Variants in HCRTR2 observed in about 807,000 individuals in gnomAD.
HCRTR2 encodes orexin receptor type 2.
A neutral mutation model predicts 49.0 loss-of-function variants in HCRTR2; 22 were observed. The ratio of observed to expected loss-of-function variants is 0.45; its 90% confidence interval spans 0.32 to 0.64. The LOEUF is 0.64. HCRTR2 is among the 30% of genes least tolerant of loss of function. HCRTR2 has a pLI of 0.04. For synonymous variants in HCRTR2, 236 were observed against 205.3 expected (o/e 1.15, Z -1.28); for missense variants, 491 against 559.4 (o/e 0.88, Z 1.23).
At chr6:55,224,270 T>C (rs936567808) in intron 1 of HCRTR2, among the ~76,000 whole-genome samples, 3 of 152,306 alleles carry the variant, frequency 2.0e-5, no homozygotes, top group South Asian at 2.1e-4. Context: ...ATTGCAGCTT[T>C]ATTCACAATA....
downstream of HCRTR2, among the ~76,000 whole-genome samples, chr6:55,283,628 A>G (rs904311164): frequency 6.6e-6 from 1 of 152,162 alleles, no homozygotes; most frequent in African/African-American, 2.4e-5. Context: ...CCCCTGAAAA[A>G]TTCTTCTGAT....
At chr6:55,180,557 G>A (rs1432464527) in intron 1 of HCRTR2, among the ~76,000 whole-genome samples, 1 of 146,064 alleles carries the variant, frequency 6.8e-6, no homozygotes, top group Non-Finnish European at 1.5e-5. Context: ...TGCCAAAAAT[G>A]CTTTTACCTG....
chr6:55,222,987 G>C (rs1765927230), intron 1 of HCRTR2, among the ~76,000 whole-genome samples: 1 of 152,112 alleles, frequency 6.6e-6, no homozygotes, highest in African/African-American at 2.4e-5. Context: ...TGGAATTATA[G>C]TGACACGAGT....
intron 1 of HCRTR2, among the ~76,000 whole-genome samples, chr6:55,209,926 G>A (rs954290300): frequency 3.3e-5 from 5 of 151,880 alleles, no homozygotes; most frequent in African/African-American, 9.7e-5. Context: ...CAATGTATTC[G>A]GTTAGAACAA....
intron 1 of HCRTR2, among the ~76,000 whole-genome samples, chr6:55,154,670 T>C (rs1427452207): frequency 6.6e-6 from 1 of 150,426 alleles, no homozygotes; most frequent in African/African-American, 2.4e-5. Context: ...GTCTGGACAA[T>C]TGGGCAAAAA....
At chr6:55,278,704 C>T (rs1049271014) in intron 5 of HCRTR2, among the ~76,000 whole-genome samples, 7 of 147,106 alleles carry the variant, frequency 4.8e-5, no homozygotes, top group African/African-American at 1.8e-4. Flanking sequence ...CCCTCCATAT[C>T]TTTTTGTGCT....
intron 1 of HCRTR2, among the ~76,000 whole-genome samples, chr6:55,224,720 A>G (rs1338477953): frequency 6.6e-6 from 1 of 152,174 alleles, no homozygotes; most frequent in Non-Finnish European, 1.5e-5. Flanking sequence ...TTGCAACAAC[A>G]TGGATGAACC....
chr6:55,184,985 T>A (rs1765193482), intron 1 of HCRTR2, among the ~76,000 whole-genome samples: 1 of 152,194 alleles, frequency 6.6e-6, no homozygotes, highest in Non-Finnish European at 1.5e-5. Context: ...AATACTGTTT[T>A]GAAGGCAATT....
At chr6:55,269,056 C>T (rs1766918958) in intron 4 of HCRTR2, among the ~76,000 whole-genome samples, 1 of 143,226 alleles carries the variant, frequency 7.0e-6, no homozygotes, top group African/African-American at 2.6e-5. Flanking sequence ...TGCCACTGCA[C>T]TCCAGCCTGG....
chr6:55,217,067 T>C (rs973163705), intron 1 of HCRTR2, among the ~76,000 whole-genome samples: 7 of 151,802 alleles, frequency 4.6e-5, no homozygotes, highest in African/African-American at 1.7e-4. Flanking sequence ...CCAGTTGGAG[T>C]GGCTGAGGAA....
intron 4 of HCRTR2, among the ~76,000 whole-genome samples, chr6:55,270,609 G>C (rs542041706): frequency 6.6e-6 from 1 of 152,110 alleles, no homozygotes; most frequent in African/African-American, 2.4e-5. Flanking sequence ...GTGACAGGTC[G>C]TGTCAAAAGT....
At chr6:55,125,161 C>T (rs892983293) in intron 1 of HCRTR2, among the ~76,000 whole-genome samples, 26 of 152,052 alleles carry the variant, frequency 1.7e-4, no homozygotes, top group African/African-American at 6.3e-4. Context: ...CATTATGATG[C>T]TAGCTGGTTG....
At chr6:55,199,556 T>G (rs190258057) in intron 1 of HCRTR2, among the ~76,000 whole-genome samples, 1 of 152,318 alleles carries the variant, frequency 6.6e-6, no homozygotes, top group Admixed American at 6.5e-5. Flanking sequence ...TGTATTGAAC[T>G]AATTTTTCTA....
rs557647648 is a variant in HCRTR2, at chr6:55,185,158, C to A, written c.223+10348C>A. On this transcript the variant is annotated intron_variant, in intron 1 of 6. Transcript: ENST00000370862. ...GCATCCTCAATTATAATACTTTATACAAAAGTTTCCCAATTTTATATAGAC... is the reference window on the plus strand; with the variant it reads ...GCATCCTCAATTATAATACTTTATAAAAAAGTTTCCCAATTTTATATAGAC... Among the ~76,000 whole-genome samples, 14 of 152,230 alleles carry A rather than the reference C, an allele frequency of 9.2e-5. No homozygotes were observed. In the South Asian group the frequency reaches 2.9e-3, roughly 32 times the overall value.
At chr6:55,274,372 T>C (rs915708723) in intron 4 of HCRTR2, among the ~76,000 whole-genome samples, 11 of 148,564 alleles carry the variant, frequency 7.4e-5, no homozygotes, top group African/African-American at 2.5e-4. Flanking sequence ...TAAAACACAT[T>C]CTTTTGATAT....
chr6:55,268,198 T>C (rs1313233911), intron 4 of HCRTR2, among the ~76,000 whole-genome samples: 1 of 152,066 alleles, frequency 6.6e-6, no homozygotes, highest in Non-Finnish European at 1.5e-5. Context: ...TTTTGAAGAA[T>C]GTAGAAATAT....
At chr6:55,191,328 G>A (rs999891258) in intron 1 of HCRTR2, among the ~76,000 whole-genome samples, 23 of 152,016 alleles carry the variant, frequency 1.5e-4, no homozygotes, top group Admixed American at 1.4e-3. Context: ...AATCAGTAGT[G>A]CAAAATATTG....
rs1160015528 is a variant in HCRTR2, at chr6:55,255,397, C to A, written c.646+18C>A. The A allele has an allele frequency of 4.3e-6, 7 of 1,613,560 alleles. No homozygotes were observed. The highest frequency in any genetic ancestry group is 5.9e-6 in the Non-Finnish European group (7 of 1,179,722). On this transcript the variant is annotated intron_variant, in intron 3 of 6. Coordinates refer to ENST00000370862, the MANE Select transcript of HCRTR2 (RefSeq NM_001384272.1). ...CTGGGGTGGTAAGTACCTTATGGCC[C>A]ATCAACTGACATTTATATTACAGCA...
intron 1 of HCRTR2, among the ~76,000 whole-genome samples, chr6:55,177,424 A>G (rs1765060192): frequency 6.6e-6 from 1 of 152,200 alleles, no homozygotes; most frequent in Non-Finnish European, 1.5e-5. Flanking sequence ...TTGCAAAATG[A>G]ATTAGATTGA....
Sources: gnomAD v4.1 joint callset for allele counts (sites outside exome capture counted in the v4.1 genomes callset) on GRCh38, gnomAD v4.1.1 for gene constraint, MANE v1.5 for transcripts, NCBI Gene and HGNC (gene_info 2026-07-23, HGNC 2026-07-21) for gene names.